UNC13C: variants seen among roughly 807,000 people sequenced by gnomAD.
UNC13C encodes protein unc-13 homolog C.
UNC13C carries 174 observed loss-of-function variants against 245.4 expected under a neutral mutation model. That is an observed-to-expected ratio of 0.71 (90% CI 0.63 to 0.80). UNC13C has a LOEUF of 0.80. Ranked by LOEUF, UNC13C falls within the 30% of genes least tolerant of loss-of-function variation. The pLI is 0.00. For missense variants in UNC13C, 2,829 were observed against 2,602.9 expected (o/e 1.09, Z -1.89); for synonymous variants, 992 against 895.1 (o/e 1.11, Z -1.93).
the UNC13C span, among the ~76,000 whole-genome samples, chr15:53,860,987 G>A: frequency 3.3e-4 from 50 of 152,142 alleles, no homozygotes; most frequent in South Asian, 9.6e-3. Flanking sequence ...AAAATATGGG[G>A]CTTTAGACTT....
At chr15:54,441,667 A>G (rs543204459) in intron 19 of UNC13C, among the ~76,000 whole-genome samples, 2 of 151,232 alleles carry the variant, frequency 1.3e-5, no homozygotes, top group South Asian at 2.1e-4. Context: ...TTCTTGGGCT[A>G]TTTGGTGTCT....
At chr15:54,227,424 G>A (rs1017383562) in intron 4 of UNC13C, among the ~76,000 whole-genome samples, 3 of 152,132 alleles carry the variant, frequency 2.0e-5, no homozygotes, top group Non-Finnish European at 4.4e-5. Context: ...TGCCATCAAC[G>A]TACCATTCAT....
At chr15:54,445,141 G>T (rs1302344540) in intron 19 of UNC13C, among the ~76,000 whole-genome samples, 3 of 152,108 alleles carry the variant, frequency 2.0e-5, no homozygotes, top group Non-Finnish European at 4.4e-5. Flanking sequence ...TAAAGGACAT[G>T]AACCCATCAT....
intron 2 of UNC13C, among the ~76,000 whole-genome samples, chr15:54,118,320 A>AT (rs1322917849): frequency 1.3e-5 from 2 of 151,464 alleles, no homozygotes; most frequent in African/African-American, 2.4e-5. Context: ...GTCCTCTTCA[A>AT]TTTTTTTTCA....
At chr15:54,038,099 C>CATATATATATAT (rs1399556197) in intron 2 of UNC13C, among the ~76,000 whole-genome samples, 1 of 67,200 alleles carries the variant, frequency 1.5e-5, no homozygotes, top group Non-Finnish European at 2.5e-5. Context: ...TATACATATA[C>CATATATATATAT]ATATATATAT....
At chr15:54,211,134 A>C (rs1194359981) in intron 4 of UNC13C, among the ~76,000 whole-genome samples, 1 of 152,138 alleles carries the variant, frequency 6.6e-6, no homozygotes, top group African/African-American at 2.4e-5. Flanking sequence ...CCAGGGAATC[A>C]TTTCAAAGGA....
chr15:54,441,374 T>G (rs1890518195), intron 19 of UNC13C, among the ~76,000 whole-genome samples: 1 of 152,130 alleles, frequency 6.6e-6, no homozygotes, highest in Admixed American at 6.6e-5. Context: ...TCCAGTTTCG[T>G]TCTTCTACAT....
rs144709205 is a variant in UNC13C at position 54,100,566 on chromosome 15, T to C, written c.2984-42452T>C. Among the ~76,000 whole-genome samples the C allele has an allele frequency of 7.9e-5, 12 of 152,266 alleles. No individual in the cohort carries two copies. In the East Asian group the frequency reaches 2.3e-3, roughly 29 times the overall value. ...ATTCAGCCTTATACTTTTCTTTAAA[T>C]TGCATTTTTATGCTGAGAATTTAGT... On this transcript the variant is annotated intron_variant, in intron 2 of 32. Coordinates refer to ENST00000260323, the MANE Select transcript of UNC13C (RefSeq NM_001080534.3).
chr15:54,140,796 A>T (rs1340608445), intron 2 of UNC13C, among the ~76,000 whole-genome samples: 1 of 151,526 alleles, frequency 6.6e-6, no homozygotes, highest in Non-Finnish European at 1.5e-5. Context: ...ATGTTCTTTC[A>T]TGAGGGCACT....
chr15:54,231,334 A>G (rs548173505), intron 4 of UNC13C, among the ~76,000 whole-genome samples: 26 of 152,192 alleles, frequency 1.7e-4, no homozygotes, highest in African/African-American at 6.3e-4. Flanking sequence ...CATTAAATAC[A>G]AAATAATATT....
At chr15:53,969,665 A>C in the UNC13C span, among the ~76,000 whole-genome samples, 5 of 146,722 alleles carry the variant, frequency 3.4e-5, no homozygotes, top group Non-Finnish European at 6.0e-5. Flanking sequence ...CAGCCTGGGC[A>C]TCAGGTAAGG....
the UNC13C span, among the ~76,000 whole-genome samples, chr15:53,837,934 T>C: frequency 6.6e-6 from 1 of 152,166 alleles, no homozygotes; most frequent in Non-Finnish European, 1.5e-5. Context: ...AATCAATGCA[T>C]TATTTTAAAT....
At chr15:54,260,512 A>G (rs1177086515) in intron 8 of UNC13C, among the ~76,000 whole-genome samples, 1 of 150,666 alleles carries the variant, frequency 6.6e-6, no homozygotes, top group East Asian at 1.9e-4. Flanking sequence ...TATTATATAC[A>G]TATCTATGTG....
the UNC13C span, among the ~76,000 whole-genome samples, chr15:53,907,214 G>A: frequency 2.0e-5 from 3 of 152,044 alleles, no homozygotes; most frequent in Admixed American, 1.3e-4. Flanking sequence ...TTATGATAAT[G>A]TTATTATTTT....
At chr15:54,297,521 T>TAAA (rs59007114) in intron 11 of UNC13C, among the ~76,000 whole-genome samples, 1 of 146,454 alleles carries the variant, frequency 6.8e-6, no homozygotes, top group Non-Finnish European at 1.5e-5. Context: ...CCTGCCTAAT[T>TAAA]AAAAAAAAAA....
chr15:54,231,570 A>G (rs1287154375), intron 4 of UNC13C, among the ~76,000 whole-genome samples: 1 of 152,082 alleles, frequency 6.6e-6, no homozygotes, highest in African/African-American at 2.4e-5. Context: ...AAAAAATAAA[A>G]TGAGTTAACA....
At chr15:54,306,355 A>G (rs1003820233) in intron 13 of UNC13C, among the ~76,000 whole-genome samples, 1 of 152,026 alleles carries the variant, frequency 6.6e-6, no homozygotes, top group East Asian at 1.9e-4. Context: ...GCAACCATCC[A>G]TCTAAAATAA....
chr15:54,167,507 A>G (rs2033212793), intron 4 of UNC13C, among the ~76,000 whole-genome samples: 2 of 75,324 alleles, frequency 2.7e-5, no homozygotes, highest in South Asian at 8.8e-4. Context: ...TCTCAAAAAA[A>G]AAAAAAAAAA....
At chr15:54,427,236 G>A (rs1306554698) in intron 19 of UNC13C, among the ~76,000 whole-genome samples, 1 of 151,790 alleles carries the variant, frequency 6.6e-6, no homozygotes, top group Non-Finnish European at 1.5e-5. Flanking sequence ...GACCCAGGGG[G>A]AGATAATTGA....
Sources: gnomAD v4.1 joint callset for allele counts (sites outside exome capture counted in the v4.1 genomes callset) on GRCh38, gnomAD v4.1.1 for gene constraint, MANE v1.5 for transcripts, NCBI Gene and HGNC (gene_info 2026-07-23, HGNC 2026-07-21) for gene names.